NET1: variants seen among roughly 807,000 people sequenced by gnomAD.
The protein encoded by NET1 is neuroepithelial cell transforming 1, also known as neuroepithelial cell-transforming gene 1 protein.
A neutral mutation model predicts 61.1 loss-of-function variants in NET1; 42 were observed. The ratio of observed to expected loss-of-function variants is 0.69; its 90% CI spans 0.54 to 0.89. The LOEUF (loss-of-function observed/expected upper bound fraction) is 0.89. NET1 is among the 40% of genes least tolerant of loss of function. The pLI is 0.00. For synonymous variants in NET1, 254 were observed against 281.8 expected (o/e 0.90, Z 0.99); for missense variants, 654 against 747.3 (o/e 0.88, Z 1.46).
rs1326506994 is a variant in NET1, at chr10:5,446,714, C to T, written c.256-5116C>T. 7 of 1,525,916 alleles carry T rather than the reference C, an allele frequency of 4.6e-6. No homozygotes were observed. The highest frequency in any genetic ancestry group is 2.7e-5 in the African/African-American group (2 of 72,798). The allele number at this position is 1,525,916 out of a possible 1,614,324, so 94.5% of individuals were successfully genotyped here. A position where few individuals can be genotyped will look rare whatever the true frequency, so the allele number is the denominator to read the frequency against. On this transcript the variant is annotated intron_variant, in intron 3 of 11. Coordinates refer to ENST00000355029, the MANE Select transcript of NET1 (RefSeq NM_001047160.3). This position sits in a 1 kb window ranked among gnomAD's most constrained non-coding sequence, Gnocchi z 5.0. ...GTGCCTCTGCATAGCGTCGCTACAG[C>T]GCTGACTCGGTGTGGATTGATTGGA...
At position 5,457,180 on chromosome 10, in the gene NET1, G is replaced by GT; in HGVS notation, c.*187dup. 1 of 420,266 alleles carries GT rather than the reference G, an allele frequency of 2.4e-6. No individual in the cohort carries two copies. Among genetic ancestry groups the GT allele is most frequent in the South Asian group, 1.1e-4 (1 of 8,842 alleles). The allele number at this position is 420,266 out of a possible 1,614,324, so 26.0% of individuals were successfully genotyped here. A position where few individuals can be genotyped will look rare whatever the true frequency, so the allele number is the denominator to read the frequency against. On this transcript the variant is annotated 3_prime_UTR_variant, in exon 12 of 12. Coordinates refer to ENST00000355029, the MANE Select transcript of NET1 (RefSeq NM_001047160.3). The surrounding 1 kb of genome is among the most constrained non-coding windows in gnomAD (Gnocchi z 5.4). ...ATATACAGATTACTGTTAAATTGCAGTCCTTTTTTTTTTAAAGATATTTTC... is the reference window on the plus strand; with the variant it reads ...ATATACAGATTACTGTTAAATTGCAGTTCCTTTTTTTTTTAAAGATATTTTC...
In NET1 at chr10:5,452,597, G is replaced by A; in HGVS notation, c.531+72G>A. ...TGATGCCGATGGCAAAATTAACTTG[G>A]ATTTTTGTGTTTGAGCAACAATTCC... is the stretch of plus-strand genomic sequence containing the variant. On this transcript the variant is annotated intron_variant, in intron 5 of 11. Coordinates refer to ENST00000355029, the MANE Select transcript of NET1 (RefSeq NM_001047160.3). This position sits in a 1 kb window ranked among gnomAD's most constrained non-coding sequence, Gnocchi z 4.0. 6.8e-7 allele frequency: 1 copy of A among 1,478,526 alleles called. No homozygotes were observed. The allele number at this position is 1,478,526 out of a possible 1,614,324, so 91.6% of individuals were successfully genotyped here.
At chr10:5,445,509 A>G (rs1564465448) in intron 3 of NET1, among the ~76,000 whole-genome samples, 1 of 152,232 alleles carries the variant, frequency 6.6e-6, no homozygotes, top group African/African-American at 2.4e-5. Context: ...CTTTTATATA[A>G]TAGATTTATC....
Position 5,440,237 on chromosome 10 carries a change from AG to A in NET1, c.255+11010del. ...GACAGAAAACAAAGTGAACAGCTTC[AG>A]GACGTGAGCAATCACAGGCTGCTGT... On this transcript the variant is annotated intron_variant, in intron 3 of 11. Transcript: ENST00000355029. This position sits in a 1 kb window ranked among gnomAD's most constrained non-coding sequence, Gnocchi z 4.1. Among the ~76,000 whole-genome samples, 1 of 152,376 alleles carries A rather than the reference AG, an allele frequency of 6.6e-6. No individual in the cohort carries two copies. The highest frequency in any genetic ancestry group is 2.4e-5 in the African/African-American group (1 of 41,590).
At position 5,447,161 on chromosome 10, in the gene NET1, A is replaced by T. The variant is rs1832628286; in HGVS notation, c.256-4669A>T. Among the ~76,000 whole-genome samples the T allele has an allele frequency of 6.6e-6, 1 of 152,200 alleles. No homozygotes were observed. The highest frequency in any genetic ancestry group is 2.4e-5 in the African/African-American group (1 of 41,448). The stretch of plus-strand genomic sequence containing the variant: ...GATGCTTAATATAATTGTTTTTTTA[A>T]CTTGAATTGATATCATCCAGTCTTA... On this transcript the variant is annotated intron_variant, in intron 3 of 11. Transcript: ENST00000355029. The surrounding 1 kb of genome is among the most constrained non-coding windows in gnomAD (Gnocchi z 4.1).
At position 5,443,440 on chromosome 10, in the gene NET1, AATTTTTCTTCT is replaced by A. The variant is rs1832556410; in HGVS notation, c.256-8382_256-8372del. ...AACTCTAGCACAAAGTAAGACCTTA[AATTTTTCTTCT>A]ATTTTTCACCACCACCCATTAAGTT... On this transcript the variant is annotated intron_variant, in intron 3 of 11. Coordinates refer to ENST00000355029, the MANE Select transcript of NET1 (RefSeq NM_001047160.3). This position sits in a 1 kb window ranked among gnomAD's most constrained non-coding sequence, Gnocchi z 4.8. Among the ~76,000 whole-genome samples the A allele has an allele frequency of 6.6e-6, 1 of 152,178 alleles. No homozygotes were observed. Among genetic ancestry groups the A allele is most frequent in the Non-Finnish European group, 1.5e-5 (1 of 68,042 alleles).
Position 5,426,607 on chromosome 10 carries a change from A to G in NET1, c.129-48A>G, listed in dbSNP as rs1292464394. 7.0e-7 allele frequency: 1 copy of G among 1,436,822 alleles called. No individual in the cohort carries two copies. The highest frequency in any genetic ancestry group is 9.7e-7 in the Non-Finnish European group (1 of 1,028,636). The allele number at this position is 1,436,822 out of a possible 1,614,324, so 89.0% of individuals were successfully genotyped here. A position where few individuals can be genotyped will look rare whatever the true frequency, so the allele number is the denominator to read the frequency against. ...CTTTTTATCTGTTTGATGCTCTATT[A>G]TGCTAAAGTCAATCTCTTTATTTAT... On this transcript the variant is annotated intron_variant, in intron 1 of 11. Coordinates refer to ENST00000355029, the MANE Select transcript of NET1 (RefSeq NM_001047160.3). This position sits in a 1 kb window ranked among gnomAD's most constrained non-coding sequence, Gnocchi z 4.6.
chr10:5,426,528 A>T lies in NET1; in HGVS notation c.129-127A>T. The T allele has an allele frequency of 1.6e-6, 1 of 628,910 alleles. No individual in the cohort carries two copies. 39.0% of individuals were successfully genotyped at this position (628,910 alleles called of 1,614,324 possible). A position where few individuals can be genotyped will look rare whatever the true frequency, so the allele number is the denominator to read the frequency against. The stretch of plus-strand genomic sequence containing the variant: ...ATAGACCATCTCTCATATTACTAAG[A>T]TTGAATGACAAATCAGGCCACTTTA... On this transcript the variant is annotated intron_variant, in intron 1 of 11. Transcript: ENST00000355029. This position sits in a 1 kb window ranked among gnomAD's most constrained non-coding sequence, Gnocchi z 4.6.
At position 5,446,480 on chromosome 10, in the gene NET1, T is replaced by G; in HGVS notation, c.256-5350T>G. ...CTTCACTCTCCTCCTGGGCGAAAGC[T>G]GAGAGGCCTAGGTGTGCCCAGCTCT... On this transcript the variant is annotated intron_variant, in intron 3 of 11. Coordinates refer to ENST00000355029, the MANE Select transcript of NET1 (RefSeq NM_001047160.3). The surrounding 1 kb of genome is among the most constrained non-coding windows in gnomAD (Gnocchi z 5.0). The G allele has an allele frequency of 4.8e-6, 4 of 838,676 alleles. No individual in the cohort carries two copies. Among genetic ancestry groups the G allele is most frequent in the Non-Finnish European group, 5.9e-6 (4 of 677,590 alleles). The allele number at this position is 838,676 out of a possible 1,614,324, so 52.0% of individuals were successfully genotyped here. A position where few individuals can be genotyped will look rare whatever the true frequency, so the allele number is the denominator to read the frequency against.
rs1171539127 is a variant in NET1 at position 5,420,493 on chromosome 10, A to G, written c.129-6162A>G. 6.6e-6 allele frequency among the ~76,000 whole-genome samples: 1 copy of G among 152,168 alleles called. No homozygotes were observed. The highest frequency in any genetic ancestry group is 1.9e-4 in the East Asian group (1 of 5,202). ...TGCAAGTTTCTCTGGGGCAGCAGTT[A>G]TGTTTTCTATGTAGATATTCCCTAC... On this transcript the variant is annotated intron_variant, in intron 1 of 11. Transcript: ENST00000355029. The surrounding 1 kb of genome is among the most constrained non-coding windows in gnomAD (Gnocchi z 5.3).
Position 5,458,555 on chromosome 10 carries a change from A to T in NET1, c.*1561A>T, listed in dbSNP as rs965116318. 1 of 152,656 alleles carries T rather than the reference A, an allele frequency of 6.6e-6. No individual in the cohort carries two copies. The highest frequency in any genetic ancestry group is 1.5e-5 in the Non-Finnish European group (1 of 68,040). 9.5% of individuals were successfully genotyped at this position (152,656 alleles called of 1,614,324 possible). A position where few individuals can be genotyped will look rare whatever the true frequency, so the allele number is the denominator to read the frequency against. On this transcript the variant is annotated 3_prime_UTR_variant, in exon 12 of 12. Coordinates refer to ENST00000355029, the MANE Select transcript of NET1 (RefSeq NM_001047160.3). This position sits in a 1 kb window ranked among gnomAD's most constrained non-coding sequence, Gnocchi z 4.5. ...AAGGAGGTAGTGGTAAGCCTCATAA[A>T]AGTTAGTAAAAATTGTAGTTCAACC...
chr10:5,435,859 A>G lies in NET1; in HGVS notation c.255+6630A>G, dbSNP rs1047493544. Among the ~76,000 whole-genome samples the G allele has an allele frequency of 3.3e-5, 5 of 151,998 alleles. No individual in the cohort carries two copies. Among genetic ancestry groups the G allele is most frequent in the African/African-American group, 1.2e-4 (5 of 41,388 alleles). On this transcript the variant is annotated intron_variant, in intron 3 of 11. Coordinates refer to ENST00000355029, the MANE Select transcript of NET1 (RefSeq NM_001047160.3). This position sits in a 1 kb window ranked among gnomAD's most constrained non-coding sequence, Gnocchi z 5.0. The stretch of plus-strand genomic sequence containing the variant: ...TTCTGTATTATATATACAATTATTC[A>G]TTTTTAAAAGAACACAGTATTAGTT...
rs545292707 is a variant in NET1, at chr10:5,443,247, A to G, written c.256-8583A>G. On this transcript the variant is annotated intron_variant, in intron 3 of 11. Coordinates refer to ENST00000355029, the MANE Select transcript of NET1 (RefSeq NM_001047160.3). This position sits in a 1 kb window ranked among gnomAD's most constrained non-coding sequence, Gnocchi z 4.8. The stretch of plus-strand genomic sequence containing the variant: ...AGGTCTGTTAAGCCACTGATTAACA[A>G]GGTACCTTTGGACAAGTTTCTTAAA... Among the ~76,000 whole-genome samples, 2 of 152,368 alleles carry G rather than the reference A, an allele frequency of 1.3e-5. No homozygotes were observed. Among genetic ancestry groups the G allele is most frequent in the South Asian group, 4.1e-4 (2 of 4,826 alleles).
intron 1 of NET1, among the ~76,000 whole-genome samples, chr10:5,414,165 A>G (rs1832043817): frequency 1.3e-5 from 2 of 152,220 alleles, no homozygotes; most frequent in South Asian, 4.1e-4. Context: ...ATATTTGTAT[A>G]GAGGAGAGGA....
At position 5,453,662 on chromosome 10, in the gene NET1, A is replaced by G. The variant is rs1264079751; in HGVS notation, c.768+102A>G. On this transcript the variant is annotated intron_variant, in intron 8 of 11. Transcript: ENST00000355029. This position sits in a 1 kb window ranked among gnomAD's most constrained non-coding sequence, Gnocchi z 4.9. ...AGATTTGATCCCACAACTCTGTTCT[A>G]CAAACACATAAGGCGTTAAAACTGA... The G allele has an allele frequency of 2.0e-6, 2 of 1,011,454 alleles. No individual in the cohort carries two copies. Among genetic ancestry groups the G allele is most frequent in the Non-Finnish European group, 3.1e-6 (2 of 636,068 alleles). 62.7% of individuals were successfully genotyped at this position (1,011,454 alleles called of 1,614,324 possible).
In NET1 at chr10:5,451,515, A is replaced by T. The variant is rs1231841686; in HGVS notation, c.256-315A>T. On this transcript the variant is annotated intron_variant, in intron 3 of 11. Transcript: ENST00000355029. The surrounding 1 kb of genome is among the most constrained non-coding windows in gnomAD (Gnocchi z 6.1). ...CATAACAATAAGGCTTTTTTTTAAA[A>T]AAAAAAAAAGTTATTCCCTGCATTA... is the stretch of plus-strand genomic sequence containing the variant. Among the ~76,000 whole-genome samples the T allele has an allele frequency of 6.6e-6, 1 of 151,652 alleles. No homozygotes were observed. The highest frequency in any genetic ancestry group is 1.5e-5 in the Non-Finnish European group (1 of 67,926).
In NET1 at chr10:5,454,826, T is replaced by A; in HGVS notation, c.1027-122T>A. ...AAATGAACAGACTGGCAGAATTAAC[T>A]GATTTCTAGAGTCCCTTCAAGCTTT... On this transcript the variant is annotated intron_variant, in intron 9 of 11. Transcript: ENST00000355029. This position sits in a 1 kb window ranked among gnomAD's most constrained non-coding sequence, Gnocchi z 8.1. 1 of 923,040 alleles carries A rather than the reference T, an allele frequency of 1.1e-6. No individual in the cohort carries two copies. The highest frequency in any genetic ancestry group is 1.7e-5 in the South Asian group (1 of 59,792). The allele number at this position is 923,040 out of a possible 1,614,324, so 57.2% of individuals were successfully genotyped here.
rs1201669492 is a variant in NET1, at chr10:5,441,432, TAG to T, written c.256-10397_256-10396del. 6.6e-6 allele frequency among the ~76,000 whole-genome samples: 1 copy of T among 152,234 alleles called. No homozygotes were observed. Among genetic ancestry groups the T allele is most frequent in the Non-Finnish European group, 1.5e-5 (1 of 68,028 alleles). ...ACAAGACACAATATCCTTTTGTCTT[TAG>T]TTTGGGGCCTTAAGCTGAAGTTCAG... is the stretch of plus-strand genomic sequence containing the variant. On this transcript the variant is annotated intron_variant, in intron 3 of 11. Transcript: ENST00000355029. This position sits in a 1 kb window ranked among gnomAD's most constrained non-coding sequence, Gnocchi z 4.6.
At chr10:5,433,452 A>G (rs1426976191) in intron 3 of NET1, among the ~76,000 whole-genome samples, 2 of 152,184 alleles carry the variant, frequency 1.3e-5, no homozygotes, top group Non-Finnish European at 2.9e-5. Context: ...CCCTTCACAG[A>G]AAAAGTTTGC....
Sources: gnomAD v4.1 joint callset for allele counts (sites outside exome capture counted in the v4.1 genomes callset) on GRCh38, gnomAD v4.1.1 for gene constraint, Gnocchi (gnomAD v3.1) non-coding constraint, MANE v1.5 for transcripts, NCBI Gene and HGNC (gene_info 2026-07-23, HGNC 2026-07-21) for gene names.